The following MAP4K4 variants were observed in gnomAD, a reference collection of about 807,000 sequenced individuals.
MAP4K4 encodes the protein mitogen-activated protein kinase kinase kinase kinase 4.
Under a neutral mutation model 189.6 loss-of-function variants are expected in MAP4K4, and 38 were observed. That is an observed-to-expected ratio of 0.20 (90% CI 0.15 to 0.26). The LOEUF is 0.26. Ranked by LOEUF, MAP4K4 falls within the 10% of genes least tolerant of loss-of-function variation. The probability of loss-of-function intolerance (pLI) is 1.00; values close to 1 mark genes in which losing one functional copy is unlikely to be tolerated. For missense variants in MAP4K4, 1,054 were observed against 1,726.9 expected (o/e 0.61, Z 6.91); for synonymous variants, 610 against 624.3 (o/e 0.98, Z 0.34).
At chr2:101,723,545 C>G (rs1363792796) in intron 2 of MAP4K4, among the ~76,000 whole-genome samples, 1 of 152,174 alleles carries the variant, frequency 6.6e-6, no homozygotes, top group Non-Finnish European at 1.5e-5. Context: ...AGCCTCTCTC[C>G]TTGTGTAGCT....
At chr2:101,726,102 A>G (rs2055239651) in intron 2 of MAP4K4, among the ~76,000 whole-genome samples, 1 of 152,178 alleles carries the variant, frequency 6.6e-6, no homozygotes, top group Non-Finnish European at 1.5e-5. Context: ...TTGGCTTGGG[A>G]TAACTCATTT....
chr2:101,875,994 C>T (rs962227403), intron 26 of MAP4K4, among the ~76,000 whole-genome samples: 1 of 152,170 alleles, frequency 6.6e-6, no homozygotes, highest in African/African-American at 2.4e-5. Context: ...TAATTAAGGT[C>T]TCTATCCGTC....
intron 3 of MAP4K4, among the ~76,000 whole-genome samples, chr2:101,817,260 T>C (rs2095788311): frequency 6.6e-6 from 1 of 152,208 alleles, no homozygotes; most frequent in Admixed American, 6.5e-5. Context: ...AAAGATCTAA[T>C]AGTTTCTTTT....
At chr2:101,892,902 C>T (rs1415617142) in exon 33 of MAP4K4, 1 of 456,352 alleles carries the variant, frequency 2.2e-6, no homozygotes, top group Non-Finnish European at 4.4e-6. Flanking sequence ...TGCCATCTTA[C>T]TTTCCTCTTG....
At chr2:101,704,456 T>C (rs1050898451) in intron 2 of MAP4K4, among the ~76,000 whole-genome samples, 1 of 150,954 alleles carries the variant, frequency 6.6e-6, no homozygotes, top group Non-Finnish European at 1.5e-5. Context: ...TTGTGATAAA[T>C]GTACATTTAT....
intron 2 of MAP4K4, among the ~76,000 whole-genome samples, chr2:101,743,217 C>T (rs935841146): frequency 6.6e-6 from 1 of 152,098 alleles, no homozygotes; most frequent in African/African-American, 2.4e-5. Context: ...CAGATGCTTC[C>T]GTCTATCTGA....
chr2:101,844,925 A>C (rs2097047575), intron 12 of MAP4K4, among the ~76,000 whole-genome samples: 1 of 152,058 alleles, frequency 6.6e-6, no homozygotes, highest in Non-Finnish European at 1.5e-5. Flanking sequence ...CCAGAACTTA[A>C]AGTAAAATAA....
intron 2 of MAP4K4, among the ~76,000 whole-genome samples, chr2:101,785,002 G>A (rs1209114751): frequency 6.6e-6 from 1 of 152,074 alleles, no homozygotes; most frequent in African/African-American, 2.4e-5. Context: ...CCAAGAGTAG[G>A]GCCAACATGG....
chr2:101,803,709 A>T (rs1454264981), intron 3 of MAP4K4, among the ~76,000 whole-genome samples: 2 of 152,240 alleles, frequency 1.3e-5, no homozygotes, highest in Non-Finnish European at 2.9e-5. Flanking sequence ...CTATAGTAGC[A>T]ACATACACAG....
At chr2:101,861,795 C>T (rs1419765301) in intron 16 of MAP4K4, 3 of 152,130 alleles carry the variant, frequency 2.0e-5, no homozygotes, top group East Asian at 3.8e-4. Context: ...GATATTTTCC[C>T]GCTTGCCACT....
At chr2:101,757,172 G>C (rs907078285) in intron 2 of MAP4K4, among the ~76,000 whole-genome samples, 1 of 152,104 alleles carries the variant, frequency 6.6e-6, no homozygotes, top group African/African-American at 2.4e-5. Flanking sequence ...TTGGGACTTT[G>C]TTTTATACAA....
At chr2:101,849,625 CT>C (rs370459029) in intron 12 of MAP4K4, among the ~76,000 whole-genome samples, 4 of 143,428 alleles carry the variant, frequency 2.8e-5, no homozygotes, top group Non-Finnish European at 3.0e-5. Context: ...GTTTTGTGCT[CT>C]TTTTTTTTTT....
intron 12 of MAP4K4, among the ~76,000 whole-genome samples, chr2:101,847,464 A>G (rs978814172): frequency 7.2e-5 from 11 of 152,178 alleles, no homozygotes; most frequent in African/African-American, 1.7e-4. Flanking sequence ...AGACTCTCCA[A>G]TGGGACAAGA....
intron 12 of MAP4K4, among the ~76,000 whole-genome samples, chr2:101,852,700 G>A (rs139333464): frequency 5.2e-4 from 79 of 152,150 alleles, no homozygotes; most frequent in African/African-American, 1.9e-3. Flanking sequence ...GACATTATAT[G>A]TACATATATA....
At chr2:101,757,141 A>T (rs948550057) in intron 2 of MAP4K4, among the ~76,000 whole-genome samples, 7 of 152,228 alleles carry the variant, frequency 4.6e-5, no homozygotes, top group African/African-American at 1.4e-4. Context: ...TTCATGTGGG[A>T]GGCTTGGGGC....
intron 2 of MAP4K4, among the ~76,000 whole-genome samples, chr2:101,737,674 C>T (rs1483047244): frequency 6.6e-6 from 1 of 151,326 alleles, no homozygotes; most frequent in African/African-American, 2.4e-5. Context: ...TCTGCCACTC[C>T]TTTTGAATTG....
chr2:101,874,012 A>G lies in MAP4K4; in HGVS notation c.3071-70A>G. 5 of 1,312,762 alleles carry G rather than the reference A, an allele frequency of 3.8e-6. No individual in the cohort carries two copies. The South Asian group carries it at 4.0e-5, about 10-fold the overall frequency. 81.3% of individuals were successfully genotyped at this position (1,312,762 alleles called of 1,614,324 possible). A position where few individuals can be genotyped will look rare whatever the true frequency, so the allele number is the denominator to read the frequency against. Reference sequence around the variant, plus strand: ...TACCACATGAATATTTACTTGAAGTATACTGGGGAAGGGAGGCAGGCATAG... The same window carrying G: ...TACCACATGAATATTTACTTGAAGTGTACTGGGGAAGGGAGGCAGGCATAG... On this transcript the variant is annotated intron_variant, in intron 25 of 32. Transcript: ENST00000324219.
At chr2:101,773,204 C>T (rs1460789940) in intron 2 of MAP4K4, among the ~76,000 whole-genome samples, 1 of 152,102 alleles carries the variant, frequency 6.6e-6, no homozygotes, top group Non-Finnish European at 1.5e-5. Context: ...AACTCAAGAC[C>T]CTAAATCAGT....
chr2:101,877,516 G>A (rs538687738), intron 27 of MAP4K4, among the ~76,000 whole-genome samples: 11 of 141,456 alleles, frequency 7.8e-5, no homozygotes, highest in Admixed American at 3.7e-4. Flanking sequence ...TTGCTGTGTC[G>A]CCAGGCTGGA....
Sources: allele counts gnomAD v4.1 joint callset (sites outside exome capture counted in the v4.1 genomes callset), GRCh38; gene constraint gnomAD v4.1.1; transcripts MANE v1.5; gene names NCBI Gene and HGNC (gene_info 2026-07-23, HGNC 2026-07-21).